Variants in EPHA6 observed in about 807,000 individuals in gnomAD.
The protein encoded by EPHA6 is EPH receptor A6.
Under a neutral mutation model 112.0 loss-of-function variants are expected in EPHA6, and 50 were observed. That is an observed-to-expected ratio of 0.45 (90% CI 0.36 to 0.56). EPHA6 has a LOEUF of 0.56. EPHA6 is among the 20% of genes least tolerant of loss of function. EPHA6 has a pLI of 0.00. For synonymous variants in EPHA6, 529 were observed against 490.7 expected (o/e 1.08, Z -1.03); for missense variants, 1,280 against 1,417.4 (o/e 0.90, Z 1.56).
intron 10 of EPHA6, among the ~76,000 whole-genome samples, chr3:97,503,520 C>T (rs1350256726): frequency 6.6e-6 from 1 of 152,134 alleles, no homozygotes; most frequent in Non-Finnish European, 1.5e-5. Context: ...TGCACCAAAG[C>T]TTGAAGTCAC....
chr3:97,433,603 C>T (rs2089645928), intron 6 of EPHA6, among the ~76,000 whole-genome samples: 8 of 152,106 alleles, frequency 5.3e-5, no homozygotes, highest in Admixed American at 3.3e-4. Flanking sequence ...AAGTTCAAAG[C>T]AGTAGGATGT....
At chr3:96,875,775 G>T (rs1173218832) in intron 2 of EPHA6, among the ~76,000 whole-genome samples, 1 of 151,680 alleles carries the variant, frequency 6.6e-6, no homozygotes, top group Non-Finnish European at 1.5e-5. Context: ...ATCTTTAAAA[G>T]GTATGGGTCT....
At chr3:97,525,667 C>A (rs1005032579) in intron 10 of EPHA6, among the ~76,000 whole-genome samples, 1 of 152,148 alleles carries the variant, frequency 6.6e-6, no homozygotes, top group Non-Finnish European at 1.5e-5. Flanking sequence ...AATAGGTCTG[C>A]AGGTTGATGA....
At chr3:97,316,228 C>T (rs574135389) in intron 5 of EPHA6, among the ~76,000 whole-genome samples, 1 of 151,696 alleles carries the variant, frequency 6.6e-6, no homozygotes, top group South Asian at 2.1e-4. Flanking sequence ...ACAGACAGAT[C>T]AAGAATTACA....
At chr3:97,424,428 T>C (rs2088931010) in intron 6 of EPHA6, among the ~76,000 whole-genome samples, 3 of 152,208 alleles carry the variant, frequency 2.0e-5, no homozygotes, top group Admixed American at 2.0e-4. Context: ...CATTTTAGCA[T>C]TAACTCAAAC....
In EPHA6 at chr3:97,388,519, A is replaced by T. The variant is rs184710293; in HGVS notation, c.1607-16631A>T. 7.5e-3 allele frequency among the ~76,000 whole-genome samples: 1,141 copies of T among 152,284 alleles called. 14 individuals carry two copies. The highest frequency in any genetic ancestry group is 0.026 in the African/African-American group (1,098 of 41,562). ...GAGAGGATAACAATTCTTATGGGAA[A>T]AAAAATGACTTTTAAGAAAGACAAA... On this transcript the variant is annotated intron_variant, in intron 5 of 17. Transcript: ENST00000389672.
intron 13 of EPHA6, among the ~76,000 whole-genome samples, chr3:97,611,905 T>G (rs1193753134): frequency 6.6e-6 from 1 of 151,932 alleles, no homozygotes; most frequent in Non-Finnish European, 1.5e-5. Flanking sequence ...GCCCTCTTCT[T>G]CCAACTGCTC....
intron 14 of EPHA6, among the ~76,000 whole-genome samples, chr3:97,650,690 T>A (rs1030837576): frequency 2.0e-5 from 3 of 151,758 alleles, no homozygotes; most frequent in Non-Finnish European, 2.9e-5. Flanking sequence ...CCTTGTTACA[T>A]GTAATAAGCC....
chr3:97,388,017 C>G (rs2086171268), intron 5 of EPHA6, among the ~76,000 whole-genome samples: 1 of 152,144 alleles, frequency 6.6e-6, no homozygotes, highest in South Asian at 2.1e-4. Context: ...CATGAGAACT[C>G]ATGCACAATC....
chr3:97,626,622 A>G (rs2093859252), intron 13 of EPHA6, among the ~76,000 whole-genome samples: 1 of 151,792 alleles, frequency 6.6e-6, no homozygotes, highest in Non-Finnish European at 1.5e-5. Context: ...TGCATAGATG[A>G]GAAAGTATAG....
intron 3 of EPHA6, among the ~76,000 whole-genome samples, chr3:97,079,112 A>G (rs910279771): frequency 6.6e-6 from 1 of 152,218 alleles, no homozygotes; most frequent in Non-Finnish European, 1.5e-5. Context: ...GAATCAACCT[A>G]AATGCCCATC....
intron 3 of EPHA6, among the ~76,000 whole-genome samples, chr3:97,110,751 A>G (rs1043838964): frequency 2.6e-5 from 4 of 151,552 alleles, no homozygotes; most frequent in African/African-American, 9.7e-5. Flanking sequence ...CTGGTCTCAA[A>G]CTCCTCACCT....
At chr3:96,944,070 T>C (rs2041123707) in intron 2 of EPHA6, among the ~76,000 whole-genome samples, 1 of 152,164 alleles carries the variant, frequency 6.6e-6, no homozygotes, top group African/African-American at 2.4e-5. Context: ...CTTGCAAAGT[T>C]ATCTATATGT....
At chr3:97,613,210 T>A (rs72932224) in intron 13 of EPHA6, among the ~76,000 whole-genome samples, 19 of 152,128 alleles carry the variant, frequency 1.2e-4, no homozygotes, top group African/African-American at 4.6e-4. Context: ...GATACTCAAC[T>A]CCCCATGACA....
chr3:96,928,983 G>T (rs954613270), intron 2 of EPHA6, among the ~76,000 whole-genome samples: 2 of 152,164 alleles, frequency 1.3e-5, no homozygotes, highest in Admixed American at 6.5e-5. Context: ...ATTATCCTCA[G>T]TCTCAATATT....
rs2107916224 is a variant in EPHA6, at chr3:97,750,133, T to C, written c.*1432T>C. 6.6e-6 allele frequency among the ~76,000 whole-genome samples: 1 copy of C among 152,204 alleles called. No homozygotes were observed. Among genetic ancestry groups the C allele is most frequent in the Non-Finnish European group, 1.5e-5 (1 of 67,996 alleles). ...GTAAAACTAAAAAAATGACGACTGT[T>C]TTAGGTGAAAGAGTAAGTAAAATGT... On this transcript the variant is annotated 3_prime_UTR_variant, in exon 18 of 18. Coordinates refer to ENST00000389672, the MANE Select transcript of EPHA6 (RefSeq NM_001080448.3).
intron 3 of EPHA6, among the ~76,000 whole-genome samples, chr3:97,083,549 C>CCTTT (rs2046792364): frequency 6.6e-6 from 1 of 151,960 alleles, no homozygotes; most frequent in Non-Finnish European, 1.5e-5. Flanking sequence ...TTTCCACCTA[C>CCTTT]CTTTCTCTAT....
At chr3:96,823,599 TAAG>T (rs1419629642) in intron 1 of EPHA6, among the ~76,000 whole-genome samples, 2 of 151,830 alleles carry the variant, frequency 1.3e-5, no homozygotes, top group Non-Finnish European at 3.0e-5. Flanking sequence ...TGAAGTGTGA[TAAG>T]AAATAGTCGA....
chr3:97,386,233 C>T (rs1246296522), intron 5 of EPHA6, among the ~76,000 whole-genome samples: 1 of 152,092 alleles, frequency 6.6e-6, no homozygotes, highest in Admixed American at 6.6e-5. Flanking sequence ...ACCTTAGTTA[C>T]TTTCAAGATC....
Sources: gnomAD v4.1 joint callset for allele counts (sites outside exome capture counted in the v4.1 genomes callset) on GRCh38, gnomAD v4.1.1 for gene constraint, MANE v1.5 for transcripts, NCBI Gene and HGNC (gene_info 2026-07-23, HGNC 2026-07-21) for gene names.